The following ARSG variants were observed in gnomAD, a reference collection of about 807,000 sequenced individuals.
ARSG encodes the protein arylsulfatase G, also known as ASG.
A neutral mutation model predicts 50.5 loss-of-function variants in ARSG; 37 were observed. That is an observed-to-expected ratio of 0.73 (90% CI 0.56 to 0.96). ARSG has a LOEUF of 0.96. Ranked by LOEUF, ARSG falls within the 50% of genes least tolerant of loss-of-function variation. ARSG has a pLI of 0.00. For synonymous variants in ARSG, 225 were observed against 254.6 expected (o/e 0.88, Z 1.11); for missense variants, 629 against 675.3 (o/e 0.93, Z 0.76).
downstream of ARSG, chr17:68,427,221 T>C: frequency 6.2e-7 from 1 of 1,614,204 alleles, no homozygotes; most frequent in Non-Finnish European, 8.5e-7. Flanking sequence ...GTCATTTTCT[T>C]TATTCTCTTC....
At chr17:68,388,258 C>T (rs1331619726) in intron 9 of ARSG, among the ~76,000 whole-genome samples, 14 of 152,104 alleles carry the variant, frequency 9.2e-5, no homozygotes, top group Middle Eastern at 3.2e-3. Flanking sequence ...CCAACCGTGG[C>T]GTGGTCGGCA....
At chr17:68,337,737 C>T (rs2078089843) in intron 2 of ARSG, among the ~76,000 whole-genome samples, 2 of 152,164 alleles carry the variant, frequency 1.3e-5, no homozygotes, top group Admixed American at 6.5e-5. Context: ...CCTGCCTCAG[C>T]CTCCCGAGTA....
At chr17:68,284,714 C>T (rs997003605) in intron 1 of ARSG, among the ~76,000 whole-genome samples, 8 of 152,190 alleles carry the variant, frequency 5.3e-5, no homozygotes, top group Non-Finnish European at 4.4e-5. Context: ...CTACTGATAG[C>T]GCCATTCCCA....
chr17:68,382,025 A>T (rs1471546753), intron 8 of ARSG, among the ~76,000 whole-genome samples: 1 of 148,198 alleles, frequency 6.7e-6, no homozygotes, highest in African/African-American at 2.5e-5. Context: ...ATTTTGGCTC[A>T]CTGCAACCTC....
chr17:68,347,255 C>A, intron 4 of ARSG, 83 bp downstream of exon 4: 1 of 1,494,664 alleles, frequency 6.7e-7, no homozygotes, highest in Non-Finnish European at 9.3e-7. Context: ...GCTAAGCCAT[C>A]CTGTCTCTGG....
chr17:68,259,998 A>C (rs2075048016), intron 1 of ARSG, among the ~76,000 whole-genome samples: 2 of 152,224 alleles, frequency 1.3e-5, no homozygotes. Context: ...TCTACATTAA[A>C]GGCCTCTGGC....
intron 6 of ARSG, 44 bp downstream of exon 6, chr17:68,356,848 C>T (rs765788308): frequency 6.8e-6 from 11 of 1,612,314 alleles, no homozygotes; most frequent in East Asian, 2.2e-5. Flanking sequence ...CCTGCCTCCA[C>T]CTACCCGTGC....
chr17:68,435,468 A>T, the ARSG span: 2 of 743,038 alleles, frequency 2.7e-6, no homozygotes, highest in East Asian at 2.5e-5. Context: ...CCACACATGC[A>T]GAGGCCAGAA....
intron 1 of ARSG, among the ~76,000 whole-genome samples, chr17:68,292,158 G>GCAGCAA (rs1443802531): frequency 7.2e-5 from 11 of 152,050 alleles, no homozygotes; most frequent in African/African-American, 2.7e-4. Context: ...GGCAGCAGCG[G>GCAGCAA]CAGCAACAGC....
intron 1 of ARSG, chr17:68,268,987 G>A (rs1458931320): frequency 7.8e-6 from 12 of 1,528,970 alleles, no homozygotes; most frequent in Non-Finnish European, 1.1e-5. Context: ...TTAAAATGTA[G>A]TTTTGAAAGT....
chr17:68,439,890 C>T, the ARSG span, among the ~76,000 whole-genome samples: 3 of 152,104 alleles, frequency 2.0e-5, no homozygotes, highest in South Asian at 2.1e-4. Flanking sequence ...AAATACTGGG[C>T]GTGTCTTTGT....
Position 68,368,550 on chromosome 17 carries a change from C to A in ARSG, c.707C>A (p.Thr236Asn). 3 of 1,612,824 alleles carry A rather than the reference C, an allele frequency of 1.9e-6. No individual in the cohort carries two copies. Among genetic ancestry groups the A allele is most frequent in the Non-Finnish European group, 2.5e-6 (3 of 1,179,670 alleles). The part of the protein sequence containing the change: ...KATQFIQRAS[T>N]SGRPFLLYVA... Reference sequence around the variant, plus strand: ...ACCTCTTGGTTCTCCTGTTTCAGCACCAGCGGGAGGCCCTTCCTGCTCTAT... The same window carrying A: ...ACCTCTTGGTTCTCCTGTTTCAGCAACAGCGGGAGGCCCTTCCTGCTCTAT... Residue 236 changes from threonine (T) to asparagine (N), a missense_variant and splice_region_variant, in exon 7 of 12, where the codon ACC (threonine) becomes AAC (asparagine). Thr to Asn is a moderately conservative substitution (Grantham distance 65, BLOSUM62 0). Coordinates refer to ENST00000621439, the MANE Select transcript of ARSG (RefSeq NM_001267727.2).
intron 10 of ARSG, 173 bp from the exon 11 acceptor site, chr17:68,401,187 T>A (rs899233850): frequency 1.7e-6 from 1 of 599,060 alleles, no homozygotes; most frequent in Non-Finnish European, 3.0e-6. Flanking sequence ...CATGCCTGGT[T>A]AACTTTTGTA....
upstream of ARSG, among the ~76,000 whole-genome samples, chr17:68,288,676 T>C (rs144642535): frequency 6.0e-4 from 92 of 152,354 alleles, 1 homozygote; most frequent in East Asian, 0.011. Context: ...CCTGCCCTAA[T>C]AGTCTATACT....
chr17:68,398,680 A>G (rs940288671), intron 10 of ARSG, among the ~76,000 whole-genome samples: 4 of 152,236 alleles, frequency 2.6e-5, no homozygotes, highest in African/African-American at 9.6e-5. Flanking sequence ...ACCAAGAGTT[A>G]AGGAGAGGAG....
At chr17:68,309,238 C>G (rs1482160214) in intron 2 of ARSG, among the ~76,000 whole-genome samples, 1 of 152,262 alleles carries the variant, frequency 6.6e-6, no homozygotes, top group African/African-American at 2.4e-5. Flanking sequence ...CCACCCGGAA[C>G]TCCAGCTGGC....
At chr17:68,390,119 C>T (rs1430673464) in intron 9 of ARSG, among the ~76,000 whole-genome samples, 1 of 152,160 alleles carries the variant, frequency 6.6e-6, no homozygotes, top group Non-Finnish European at 1.5e-5. Flanking sequence ...TCCCCAGTAG[C>T]TGGGACTACA....
At chr17:68,341,323 C>CA (rs2078259405) in intron 2 of ARSG, among the ~76,000 whole-genome samples, 1 of 152,168 alleles carries the variant, frequency 6.6e-6, no homozygotes, top group South Asian at 2.1e-4. Context: ...TTGGCCATGT[C>CA]AAACGTTTAC....
chr17:68,428,626 C>G, the ARSG span: 1 of 533,056 alleles, frequency 1.9e-6, no homozygotes, highest in Non-Finnish European at 3.4e-6. Flanking sequence ...TTAATCCTGG[C>G]ACTTTTCCAG....
Sources: gnomAD v4.1 joint callset for allele counts (sites outside exome capture counted in the v4.1 genomes callset) on GRCh38, gnomAD v4.1.1 for gene constraint, MANE v1.5 for transcripts, NCBI Gene and HGNC (gene_info 2026-07-23, HGNC 2026-07-21) for gene names.